Variants in CA10 observed in about 807,000 individuals in gnomAD.
The protein encoded by CA10 is carbonic anhydrase-related protein 10.
Under a neutral mutation model 44.2 loss-of-function variants are expected in CA10, and 14 were observed. That is an observed-to-expected ratio of 0.32 (90% CI 0.21 to 0.50). CA10 has a LOEUF of 0.50. Ranked by LOEUF, CA10 falls within the 20% of genes least tolerant of loss-of-function variation. CA10 has a pLI of 0.99. For missense variants in CA10, 350 were observed against 409.7 expected (o/e 0.85, Z 1.26); for synonymous variants, 159 against 141.6 (o/e 1.12, Z -0.87).
chr17:51,834,211 G>A (rs555489902), intron 3 of CA10, among the ~76,000 whole-genome samples: 66 of 152,308 alleles, frequency 4.3e-4, no homozygotes, highest in Admixed American at 1.2e-3. Context: ...ATGCTCAAAA[G>A]CAGGTTTAAG....
At chr17:52,137,408 A>G (rs919668612) in intron 1 of CA10, among the ~76,000 whole-genome samples, 1 of 152,252 alleles carries the variant, frequency 6.6e-6, no homozygotes, top group African/African-American at 2.4e-5. Flanking sequence ...TCAAGTGAAA[A>G]TATTCATTTC....
intron 4 of CA10, among the ~76,000 whole-genome samples, chr17:51,715,615 A>G (rs1027544855): frequency 2.0e-5 from 3 of 152,190 alleles, no homozygotes; most frequent in Non-Finnish European, 2.9e-5. Context: ...AAAATGTACA[A>G]TTAAGTTATT....
At chr17:51,840,515 A>G (rs1211710480) in intron 3 of CA10, among the ~76,000 whole-genome samples, 2 of 141,946 alleles carry the variant, frequency 1.4e-5, no homozygotes, top group Admixed American at 1.4e-4. Flanking sequence ...ACACACACAC[A>G]CGTACTATAG....
intron 3 of CA10, among the ~76,000 whole-genome samples, chr17:51,879,572 GAAA>G (rs1470841406): frequency 6.6e-6 from 1 of 152,136 alleles, no homozygotes; most frequent in Non-Finnish European, 1.5e-5. Context: ...GAAAACTCTA[GAAA>G]ACAGGAGTAG....
intron 4 of CA10, among the ~76,000 whole-genome samples, chr17:51,728,915 T>G (rs887497484): frequency 5.3e-5 from 8 of 152,264 alleles, no homozygotes; most frequent in African/African-American, 1.9e-4. Flanking sequence ...GTGATGTGAT[T>G]GTGAGTGACT....
At chr17:51,808,880 C>T (rs1012721467) in intron 3 of CA10, among the ~76,000 whole-genome samples, 1 of 152,050 alleles carries the variant, frequency 6.6e-6, no homozygotes, top group Non-Finnish European at 1.5e-5. Flanking sequence ...AAAGAATATG[C>T]ACTATATTTA....
intron 4 of CA10, among the ~76,000 whole-genome samples, chr17:51,675,098 AAGGAGG>A (rs1914571198): frequency 6.6e-6 from 1 of 152,200 alleles, no homozygotes; most frequent in South Asian, 2.1e-4. Flanking sequence ...TGTAAGAGGC[AAGGAGG>A]TAAGAAAGCG....
At chr17:51,705,325 T>C (rs906116729) in intron 4 of CA10, among the ~76,000 whole-genome samples, 1 of 152,146 alleles carries the variant, frequency 6.6e-6, no homozygotes, top group Admixed American at 6.5e-5. Context: ...TATATACACA[T>C]AGATCAATGT....
At chr17:51,822,121 CAT>C (rs1907825065) in intron 3 of CA10, among the ~76,000 whole-genome samples, 1 of 152,100 alleles carries the variant, frequency 6.6e-6, no homozygotes, top group African/African-American at 2.4e-5. Context: ...GCTCATATCT[CAT>C]ATTAAAAACC....
chr17:51,929,471 T>C (rs1490126843), intron 3 of CA10, among the ~76,000 whole-genome samples: 1 of 152,156 alleles, frequency 6.6e-6, no homozygotes, highest in Non-Finnish European at 1.5e-5. Context: ...TCGCTCCCTG[T>C]GTTCAGCCTT....
At chr17:52,006,118 C>T (rs1985589523) in intron 2 of CA10, among the ~76,000 whole-genome samples, 1 of 151,594 alleles carries the variant, frequency 6.6e-6, no homozygotes, top group African/African-American at 2.4e-5. Context: ...GAACAGAGAC[C>T]ACAGATTTTG....
chr17:51,677,284 T>A (rs1435002934), intron 4 of CA10, among the ~76,000 whole-genome samples: 1 of 152,182 alleles, frequency 6.6e-6, no homozygotes, highest in Non-Finnish European at 1.5e-5. Context: ...GGCGGAGTTC[T>A]CATGAATGGT....
chr17:51,682,796 G>T (rs1257729278), intron 4 of CA10, among the ~76,000 whole-genome samples: 1 of 132,222 alleles, frequency 7.6e-6, no homozygotes, highest in Non-Finnish European at 1.7e-5. Context: ...GATAAACGTG[G>T]GGCAAAGAAG....
At chr17:52,131,474 A>G (rs538788638) in intron 1 of CA10, among the ~76,000 whole-genome samples, 3 of 152,244 alleles carry the variant, frequency 2.0e-5, no homozygotes, top group African/African-American at 7.2e-5. Flanking sequence ...ACTGAATTAC[A>G]ACTATATGCA....
chr17:51,666,331 C>T (rs1597972511), intron 4 of CA10, among the ~76,000 whole-genome samples: 1 of 152,200 alleles, frequency 6.6e-6, no homozygotes, highest in East Asian at 1.9e-4. Context: ...GGACAGACCA[C>T]ATTCATGCTT....
intron 1 of CA10, among the ~76,000 whole-genome samples, chr17:52,081,548 C>A (rs1987976986): frequency 6.6e-6 from 1 of 152,094 alleles, no homozygotes; most frequent in Admixed American, 6.5e-5. Context: ...CGCCTGTAGT[C>A]CCAGCACTTT....
intron 1 of CA10, among the ~76,000 whole-genome samples, chr17:52,101,019 A>G (rs1333169327): frequency 6.6e-6 from 1 of 152,158 alleles, no homozygotes; most frequent in Non-Finnish European, 1.5e-5. Context: ...TTTGGTTCTA[A>G]GTCAATGTAG....
At chr17:51,968,156 G>T (rs561175501) in intron 2 of CA10, among the ~76,000 whole-genome samples, 2 of 151,924 alleles carry the variant, frequency 1.3e-5, no homozygotes, top group Non-Finnish European at 3.0e-5. Flanking sequence ...TTGATAATTT[G>T]TTATAAAGTT....
intron 2 of CA10, among the ~76,000 whole-genome samples, chr17:51,994,071 T>C (rs1263288682): frequency 1.3e-5 from 2 of 151,944 alleles, no homozygotes; most frequent in Non-Finnish European, 2.9e-5. Flanking sequence ...CTAACTCTAC[T>C]TGGAGAAATG....
Sources: allele counts gnomAD v4.1 joint callset (sites outside exome capture counted in the v4.1 genomes callset), GRCh38; gene constraint gnomAD v4.1.1; transcripts MANE v1.5; gene names NCBI Gene and HGNC (gene_info 2026-07-23, HGNC 2026-07-21).